PROM1: variants seen among roughly 807,000 people sequenced by gnomAD.
PROM1 encodes the protein prominin-1.
Under a neutral mutation model 116.9 loss-of-function variants are expected in PROM1, and 105 were observed. That is an observed-to-expected ratio of 0.90 (90% CI 0.77 to 1.06). The LOEUF (loss-of-function observed/expected upper bound fraction) is 1.06. PROM1 is among the 50% of genes least tolerant of loss of function. PROM1 has a pLI of 0.00. For synonymous variants in PROM1, 393 were observed against 387.0 expected, an observed-to-expected ratio of 1.02 and a Z score of -0.18; for missense variants, 1,122 against 1,045.2, an observed-to-expected ratio of 1.07 and a Z score of -1.01.
intron 20 of PROM1, among the ~76,000 whole-genome samples, chr4:15,986,578 C>A (rs1193349584): frequency 2.6e-5 from 4 of 152,120 alleles, no homozygotes; most frequent in African/African-American, 9.7e-5. Flanking sequence ...CAGTTTCTGC[C>A]CTCGACTAAC....
intron 26 of PROM1, chr4:15,971,729 T>C (rs1464142325): frequency 6.6e-6 from 1 of 152,326 alleles, no homozygotes; most frequent in African/African-American, 2.4e-5. Context: ...ACAACCCCTC[T>C]GAACCTGCAG....
At position 16,018,468 on chromosome 4, in the gene PROM1, T is replaced by C. The variant is rs764566019; in HGVS notation, c.857A>G (p.Gln286Arg). 5.6e-6 allele frequency: 9 copies of C among 1,613,346 alleles called. No individual in the cohort carries two copies. In the East Asian group the frequency reaches 1.8e-4, roughly 32 times the overall value. The change falls in exon 9 of 28, where the codon CAG becomes CGG. Residue 286 changes from glutamine (Q) to arginine (R), a missense_variant. Gln to Arg is a conservative substitution (Grantham distance 43). Coordinates refer to ENST00000447510, the MANE Select transcript of PROM1 (RefSeq NM_006017.3). ...CACGCTGGTCAGACTGCTGCTAAGCTGTGTACTTTGTTGGTGCAAGCTCTT... is the reference window on the plus strand; with the variant it reads ...CACGCTGGTCAGACTGCTGCTAAGCCGTGTACTTTGTTGGTGCAAGCTCTT... The part of the protein sequence containing the change: ...TLKSLHQQST[Q>R]LSSSLTSVKT...
intron 1 of PROM1, among the ~76,000 whole-genome samples, chr4:16,076,932 C>A (rs1451093576): frequency 2.0e-5 from 3 of 152,218 alleles, no homozygotes; most frequent in African/African-American, 4.8e-5. Flanking sequence ...TCTCAACTAC[C>A]CAGGGACACA....
chr4:16,011,976 TTTC>T (rs1726977135), intron 11 of PROM1, among the ~76,000 whole-genome samples: 1 of 152,088 alleles, frequency 6.6e-6, no homozygotes, highest in African/African-American at 2.4e-5. Flanking sequence ...GCTTCAGAGA[TTTC>T]TTTTCTTTTC....
chr4:15,982,576 C>A (rs1237415843), intron 23 of PROM1, among the ~76,000 whole-genome samples: 1 of 152,210 alleles, frequency 6.6e-6, no homozygotes, highest in African/African-American at 2.4e-5. Context: ...TGCTACACAG[C>A]TCCAGCCTAT....
chr4:15,972,945 T>A lies in PROM1; in HGVS notation c.2583-1863A>T, dbSNP rs1714989445. Reference sequence around the variant, plus strand: ...TGGCCCAGGAGGTGGAATCTGTTTGTCAATGATGCACTATCCCCTTCACAG... The same window carrying A: ...TGGCCCAGGAGGTGGAATCTGTTTGACAATGATGCACTATCCCCTTCACAG... On this transcript the variant is annotated intron_variant, in intron 26 of 27. Coordinates refer to ENST00000447510, the MANE Select transcript of PROM1 (RefSeq NM_006017.3). Among the ~76,000 whole-genome samples, 7 of 152,094 alleles carry A rather than the reference T, an allele frequency of 4.6e-5. 1 individual carries two copies. The South Asian group carries it at 1.5e-3, about 32-fold the overall frequency.
chr4:16,027,538 G>A (rs2149354813), intron 5 of PROM1, among the ~76,000 whole-genome samples: 1 of 152,248 alleles, frequency 6.6e-6, no homozygotes, highest in East Asian at 1.9e-4. Flanking sequence ...ACCAGTCCAA[G>A]TCCACTTTCA....
intron 13 of PROM1, among the ~76,000 whole-genome samples, chr4:16,004,805 A>ATCTTTCTTTCTTTCTTTCTTTCTT (rs147556972): frequency 3.2e-5 from 4 of 125,078 alleles, no homozygotes; most frequent in East Asian, 2.4e-4. Flanking sequence ...CTTGCAGCTA[A>ATCTTTCTTTCTTTCTTTCTTTCTT]TCTTTCTTTC....
chr4:16,006,155 T>C (rs551927599), intron 13 of PROM1, among the ~76,000 whole-genome samples: 2 of 152,268 alleles, frequency 1.3e-5, no homozygotes, highest in African/African-American at 2.4e-5. Context: ...CCACAAGAGA[T>C]TGGCTCAGCC....
rs1039170505 is a variant in PROM1, at chr4:16,079,557, T to C, written c.-212-3439A>G. 7.9e-5 allele frequency: 12 copies of C among 152,192 alleles called. No homozygotes were observed. The highest frequency in any genetic ancestry group is 1.5e-4 in the Non-Finnish European group (10 of 68,040). 9.4% of individuals were successfully genotyped at this position (152,192 alleles called of 1,614,324 possible). A position where few individuals can be genotyped will look rare whatever the true frequency, so the allele number is the denominator to read the frequency against. Reference sequence around the variant, plus strand: ...GTGCCAAAAACAGAAGCTCTGAGTATTTACCAGCTAAACCCCACTAGGTCC... The same window carrying C: ...GTGCCAAAAACAGAAGCTCTGAGTACTTACCAGCTAAACCCCACTAGGTCC... On this transcript the variant is annotated intron_variant, in intron 1 of 27. Coordinates refer to ENST00000447510, the MANE Select transcript of PROM1 (RefSeq NM_006017.3).
At chr4:15,978,300 T>C (rs1716765013) in intron 26 of PROM1, among the ~76,000 whole-genome samples, 3 of 152,244 alleles carry the variant, frequency 2.0e-5, no homozygotes, top group Non-Finnish European at 2.9e-5. Flanking sequence ...TGAAAAGTTC[T>C]GATTTTTTTA....
chr4:16,035,866 T>C, intron 3 of PROM1, 105 bp from the exon 4 acceptor site: 1 of 1,051,186 alleles, frequency 9.5e-7, no homozygotes, highest in Non-Finnish European at 1.5e-6. Context: ...AACATTCATA[T>C]CCCACAAGGA....
intron 26 of PROM1, among the ~76,000 whole-genome samples, chr4:15,977,102 A>G (rs1716337998): frequency 6.6e-6 from 1 of 152,102 alleles, no homozygotes; most frequent in Non-Finnish European, 1.5e-5. Flanking sequence ...TTTTTTTCAC[A>G]ACCATGGCTC....
At chr4:16,048,254 C>G (rs1160870063) in intron 2 of PROM1, among the ~76,000 whole-genome samples, 1 of 152,178 alleles carries the variant, frequency 6.6e-6, no homozygotes, top group Non-Finnish European at 1.5e-5. Context: ...GCCTCGGGTC[C>G]TGGAGTTCAC....
chr4:15,989,822 G>A lies in PROM1; in HGVS notation c.1986C>T (p.Pro662=), dbSNP rs894328432. The stretch of plus-strand genomic sequence containing the variant: ...TCAGGGAGTTCCTCAAATTTCCTGG[G>A]GGCTACAAAAAGAATAAAAAACAAA... ...YDLEAKANSL[P]PGNLRNSLKR... is the part of the protein sequence containing the mutation. The change falls in exon 19 of 28, where the codon CCC becomes CCT. Residue 662 remains proline, a splice_region_variant and synonymous_variant. Coordinates refer to ENST00000447510, the MANE Select transcript of PROM1 (RefSeq NM_006017.3). 1.3e-6 allele frequency: 2 copies of A among 1,598,212 alleles called. No individual in the cohort carries two copies. Among genetic ancestry groups the A allele is most frequent in the Non-Finnish European group, 1.7e-6 (2 of 1,170,496 alleles).
intron 15 of PROM1, among the ~76,000 whole-genome samples, chr4:15,997,776 T>C (rs1486657063): frequency 6.6e-6 from 1 of 152,142 alleles, no homozygotes; most frequent in Non-Finnish European, 1.5e-5. Context: ...AGATGAACAA[T>C]ATTAAGAACA....
intron 5 of PROM1, among the ~76,000 whole-genome samples, chr4:16,028,431 A>G (rs983495475): frequency 6.6e-6 from 1 of 152,208 alleles, no homozygotes; most frequent in Non-Finnish European, 1.5e-5. Context: ...ATCCACAAAA[A>G]TCTGGGAATC....
At chr4:16,025,081 C>T (rs768580733) in intron 6 of PROM1, 111 bp downstream of exon 6, 143 of 1,330,216 alleles carry the variant, frequency 1.1e-4, no homozygotes, top group Non-Finnish European at 1.3e-4. Context: ...CACCAGTCTA[C>T]GCTGATTCAC....
At chr4:16,057,303 C>T (rs1039836093) in intron 2 of PROM1, among the ~76,000 whole-genome samples, 6 of 152,204 alleles carry the variant, frequency 3.9e-5, no homozygotes, top group African/African-American at 1.2e-4. Flanking sequence ...GATATAAAAA[C>T]GTATACAACC....
Sources: allele counts gnomAD v4.1 joint callset (sites outside exome capture counted in the v4.1 genomes callset), GRCh38; gene constraint gnomAD v4.1.1; transcripts MANE v1.5; gene names NCBI Gene and HGNC (gene_info 2026-07-23, HGNC 2026-07-21).